ARHGAP21: variants seen among roughly 807,000 people sequenced by gnomAD.
ARHGAP21 encodes Rho GTPase activating protein 21.
Under a neutral mutation model 164.6 loss-of-function variants are expected in ARHGAP21, and 38 were observed. The observed-to-expected ratio is 0.23, with a 90% CI of 0.18 to 0.30. The LOEUF (loss-of-function observed/expected upper bound fraction) is 0.30, where lower values mean the gene tolerates loss of function less well. Among genes scored for constraint, ARHGAP21 ranks in the 10% least tolerant of loss-of-function variants. ARHGAP21 has a pLI of 1.00. For missense variants in ARHGAP21, 1,822 were observed against 2,370.7 expected (o/e 0.77, Z 4.81); for synonymous variants, 766 against 857.9 (o/e 0.89, Z 1.87).
At chr10:24,685,999 T>C (rs558083875) in intron 2 of ARHGAP21, among the ~76,000 whole-genome samples, 113 of 152,322 alleles carry the variant, frequency 7.4e-4, no homozygotes, top group Middle Eastern at 3.4e-3. Context: ...AAGTACAATC[T>C]TCCTATAAAC....
At chr10:24,682,696 CTT>C (rs1013631860) in intron 2 of ARHGAP21, among the ~76,000 whole-genome samples, 5 of 144,494 alleles carry the variant, frequency 3.5e-5, no homozygotes, top group Middle Eastern at 3.6e-3. Flanking sequence ...ATTTCTTTCT[CTT>C]TTTTTTTTTG....
In ARHGAP21 at chr10:24,717,829, A is replaced by G. The variant is rs555946226; in HGVS notation, c.63+4008T>C. On this transcript the variant is annotated intron_variant, in intron 2 of 25. Coordinates refer to ENST00000396432, the MANE Select transcript of ARHGAP21 (RefSeq NM_020824.4). The stretch of plus-strand genomic sequence containing the variant: ...CCTGCAACCTCTGCCTTCCGGGTTC[A>G]AGGATTCTCATACCTCAGCCTCCAA... Among the ~76,000 whole-genome samples, 4 of 148,794 alleles carry G rather than the reference A, an allele frequency of 2.7e-5. No homozygotes were observed. The South Asian group carries it at 8.6e-4, about 32-fold the overall frequency.
At chr10:24,678,916 C>T (rs1455317943) in intron 2 of ARHGAP21, among the ~76,000 whole-genome samples, 1 of 152,168 alleles carries the variant, frequency 6.6e-6, no homozygotes, top group East Asian at 1.9e-4. Context: ...TGGACATTCA[C>T]CGAGGTTGCT....
rs778391151 is a variant in ARHGAP21, at chr10:24,667,995, TTAAA to T, written c.244-990_244-987del. On this transcript the variant is annotated intron_variant, in intron 3 of 25. Transcript: ENST00000396432. ...AGCCCTATTTACAAGAACATCTGTA[TTAAA>T]TAATAGCATTAATAGCTAAAATTTA... Among the ~76,000 whole-genome samples the T allele has an allele frequency of 1.1e-4, 17 of 152,360 alleles. No individual in the cohort carries two copies. In the East Asian group the frequency reaches 2.7e-3, roughly 24 times the overall value.
intron 4 of ARHGAP21, among the ~76,000 whole-genome samples, chr10:24,649,829 T>TA (rs1837975503): frequency 6.6e-6 from 1 of 151,734 alleles, no homozygotes; most frequent in Admixed American, 6.6e-5. Context: ...GCACAGATTA[T>TA]AAAAAAATTC....
Position 24,589,261 on chromosome 10 carries a change from A to C in ARHGAP21, c.4182+10T>G. 3 of 1,600,706 alleles carry C rather than the reference A, an allele frequency of 1.9e-6. No homozygotes were observed. The highest frequency in any genetic ancestry group is 2.6e-6 in the Non-Finnish European group (3 of 1,169,846). Reference sequence around the variant, plus strand: ...CCCTAAAATATTTCAAATTGTATGAAACAATTTACCTTAGATTTTGTTGAG... The same window carrying C: ...CCCTAAAATATTTCAAATTGTATGACACAATTTACCTTAGATTTTGTTGAG... On this transcript the variant is annotated intron_variant, in intron 25 of 25. Coordinates refer to ENST00000396432, the MANE Select transcript of ARHGAP21 (RefSeq NM_020824.4).
intron 1 of ARHGAP21, chr10:24,723,200 GCT>G (rs1490607128): frequency 6.6e-6 from 1 of 150,932 alleles, no homozygotes; most frequent in Non-Finnish European, 1.5e-5. Context: ...GCGGCGGCGA[GCT>G]GAAGCGGAGA....
intron 9 of ARHGAP21, among the ~76,000 whole-genome samples, chr10:24,609,485 C>T (rs2077164134): frequency 2.6e-5 from 4 of 152,142 alleles, no homozygotes; most frequent in South Asian, 4.1e-4. Context: ...TAACATTGGG[C>T]TTACTCATTT....
In ARHGAP21 at chr10:24,620,593, A is replaced by T; in HGVS notation, c.1302T>A (p.Thr434=). 6.2e-7 allele frequency: 1 copy of T among 1,614,196 alleles called. No individual in the cohort carries two copies. The highest frequency in any genetic ancestry group is 8.5e-7 in the Non-Finnish European group (1 of 1,180,040). The change falls in exon 9 of 26, where the codon ACT becomes ACA. Residue 434 remains threonine (T), a synonymous_variant. Transcript: ENST00000396432. The stretch of plus-strand genomic sequence containing the variant: ...AGGTGCTTCGACGTCGTCCCTGCAA[A>T]GTAGTGCGGTTGGGGACGACCTGGT... The part of the protein sequence containing the change: ...DYNQVVPNRT[T]LQGRRRSTSH...
Position 24,595,808 on chromosome 10 carries a change from A to C in ARHGAP21, c.3634-13T>G, listed in dbSNP as rs765098091. ...AATCTCGCCATTTCTAGGTGTACAA[A>C]ATAGAAATATAGTATTTTCATATCC... is the stretch of plus-strand genomic sequence containing the variant. On this transcript the variant is annotated splice_polypyrimidine_tract_variant and intron_variant, in intron 18 of 25. Coordinates refer to ENST00000396432, the MANE Select transcript of ARHGAP21 (RefSeq NM_020824.4). 5.0e-6 allele frequency: 8 copies of C among 1,612,480 alleles called. 1 individual carries two copies. The South Asian group carries it at 8.8e-5, about 18-fold the overall frequency.
chr10:24,673,626 C>T (rs943199779), intron 2 of ARHGAP21, among the ~76,000 whole-genome samples: 6 of 152,150 alleles, frequency 3.9e-5, no homozygotes, highest in Non-Finnish European at 5.9e-5. Flanking sequence ...CTTTGGGAGG[C>T]CGAGGCAGGC....
chr10:24,677,620 C>G (rs1448343648), intron 2 of ARHGAP21, among the ~76,000 whole-genome samples: 3 of 152,174 alleles, frequency 2.0e-5, no homozygotes, highest in Non-Finnish European at 4.4e-5. Context: ...TCAAGCTAAG[C>G]CCCAAGCGAC....
At chr10:24,589,138 A>T (rs1743979788) in intron 25 of ARHGAP21, 133 bp downstream of exon 25, 2 of 805,774 alleles carry the variant, frequency 2.5e-6, no homozygotes, top group South Asian at 3.1e-5. Flanking sequence ...TGTTTTAGGA[A>T]TTAATTTTTT....
chr10:24,713,271 C>T (rs1401106562), intron 2 of ARHGAP21, among the ~76,000 whole-genome samples: 1 of 152,190 alleles, frequency 6.6e-6, no homozygotes, highest in East Asian at 1.9e-4. Flanking sequence ...ATACATAGCA[C>T]TACTCCTGAC....
chr10:24,684,611 G>C (rs1034034931), intron 2 of ARHGAP21, among the ~76,000 whole-genome samples: 2 of 152,092 alleles, frequency 1.3e-5, no homozygotes, highest in Non-Finnish European at 2.9e-5. Context: ...GAGCAAACTA[G>C]GAATGGGTTT....
intron 2 of ARHGAP21, among the ~76,000 whole-genome samples, chr10:24,687,028 C>T (rs1455651445): frequency 6.6e-6 from 1 of 152,122 alleles, no homozygotes; most frequent in Non-Finnish European, 1.5e-5. Context: ...CCAACCTGGC[C>T]AACATGGTGA....
chr10:24,677,999 T>C (rs1251060427), intron 2 of ARHGAP21, among the ~76,000 whole-genome samples: 4 of 151,960 alleles, frequency 2.6e-5, no homozygotes, highest in Non-Finnish European at 5.9e-5. Context: ...TGGTGGCTCA[T>C]GCCTGTAATC....
chr10:24,633,554 T>C lies in ARHGAP21; in HGVS notation c.362-74A>G, dbSNP rs867553116. 33 of 928,070 alleles carry C rather than the reference T, an allele frequency of 3.6e-5. No homozygotes were observed. In the Middle Eastern group the frequency reaches 1.9e-3, roughly 54 times the overall value. 57.5% of individuals were successfully genotyped at this position (928,070 alleles called of 1,614,324 possible). On this transcript the variant is annotated intron_variant, in intron 5 of 25. Coordinates refer to ENST00000396432, the MANE Select transcript of ARHGAP21 (RefSeq NM_020824.4). ...TTTTGAACACTTTTGAAATATTTCTTGAATAATGTCCTTATTTTTAATGTC... is the reference window on the plus strand; with the variant it reads ...TTTTGAACACTTTTGAAATATTTCTCGAATAATGTCCTTATTTTTAATGTC...
At chr10:24,651,892 GA>G (rs1167273612) in intron 4 of ARHGAP21, among the ~76,000 whole-genome samples, 1 of 152,074 alleles carries the variant, frequency 6.6e-6, no homozygotes, top group Non-Finnish European at 1.5e-5. Flanking sequence ...TATAGAAACT[GA>G]AAATTTGATT....
Sources: gnomAD v4.1 joint callset for allele counts (sites outside exome capture counted in the v4.1 genomes callset) on GRCh38, gnomAD v4.1.1 for gene constraint, MANE v1.5 for transcripts, NCBI Gene and HGNC (gene_info 2026-07-23, HGNC 2026-07-21) for gene names.